UNC13C: variants seen among roughly 807,000 people sequenced by gnomAD.
The protein encoded by UNC13C is unc-13 homolog C.
UNC13C carries 174 observed loss-of-function variants against 245.4 expected under a neutral mutation model. The observed-to-expected ratio is 0.71, with a 90% CI of 0.63 to 0.80. The LOEUF (loss-of-function observed/expected upper bound fraction) is 0.80. Among genes scored for constraint, UNC13C ranks in the 30% least tolerant of loss-of-function variants. The pLI is 0.00. For synonymous variants in UNC13C, 992 were observed against 895.1 expected (o/e 1.11, Z -1.93); for missense variants, 2,829 against 2,602.9 (o/e 1.09, Z -1.89).
At chr15:54,234,430 T>C (rs533824898) in intron 4 of UNC13C, among the ~76,000 whole-genome samples, 185 of 152,306 alleles carry the variant, frequency 1.2e-3, no homozygotes, top group African/African-American at 4.3e-3. Flanking sequence ...CTAGCTTTTA[T>C]TGCTATTATT....
intron 30 of UNC13C, among the ~76,000 whole-genome samples, chr15:54,616,712 G>T (rs1375693594): frequency 6.6e-6 from 1 of 152,004 alleles, no homozygotes; most frequent in African/African-American, 2.4e-5. Context: ...AAAGTAAAAG[G>T]TTACAGAAAG....
Position 54,370,027 on chromosome 15 carries a change from A to G in UNC13C, c.4714-23021A>G, listed in dbSNP as rs74325784. ...TAGGAGCTCATTGGTTGTACTTAAC[A>G]GTGTTTGTTGAGTTTTTCTGTGCTA... is the stretch of plus-strand genomic sequence containing the variant. On this transcript the variant is annotated intron_variant, in intron 17 of 32. Transcript: ENST00000260323. Among the ~76,000 whole-genome samples, 631 of 152,230 alleles carry G rather than the reference A, an allele frequency of 4.1e-3. 26 individuals carry two copies. In the East Asian group the frequency reaches 0.087, roughly 21 times the overall value.
intron 10 of UNC13C, among the ~76,000 whole-genome samples, chr15:54,288,355 G>A (rs963603652): frequency 6.6e-6 from 1 of 152,112 alleles, no homozygotes; most frequent in Non-Finnish European, 1.5e-5. Context: ...GGTGAGTACT[G>A]TGAAAGGTGA....
intron 2 of UNC13C, among the ~76,000 whole-genome samples, chr15:54,033,751 T>C (rs1656569431): frequency 6.6e-6 from 1 of 152,138 alleles, no homozygotes; most frequent in South Asian, 2.1e-4. Flanking sequence ...GCACATGATA[T>C]GGTGAGAGAG....
the UNC13C span, among the ~76,000 whole-genome samples, chr15:53,896,935 T>C: frequency 6.6e-6 from 1 of 152,158 alleles, no homozygotes; most frequent in Admixed American, 6.5e-5. Flanking sequence ...TTTTCTCTAA[T>C]GAGAAAAATA....
intron 16 of UNC13C, among the ~76,000 whole-genome samples, chr15:54,336,376 C>T (rs536483335): frequency 7.2e-6 from 1 of 139,512 alleles, no homozygotes; most frequent in African/African-American, 2.5e-5. Flanking sequence ...GTTTTGAATA[C>T]AATTTTTTGT....
the UNC13C span, among the ~76,000 whole-genome samples, chr15:53,931,921 A>T: frequency 6.6e-6 from 1 of 152,154 alleles, no homozygotes; most frequent in Non-Finnish European, 1.5e-5. Flanking sequence ...TGATTGTTTA[A>T]CATCTGGCCT....
chr15:54,137,061 C>G (rs1371590416), intron 2 of UNC13C, among the ~76,000 whole-genome samples: 1 of 152,096 alleles, frequency 6.6e-6, no homozygotes, highest in African/African-American at 2.4e-5. Context: ...CCAGGCTAGT[C>G]TTGAACTCCT....
chr15:54,450,510 G>A (rs1891112891), intron 19 of UNC13C, among the ~76,000 whole-genome samples: 1 of 152,226 alleles, frequency 6.6e-6, no homozygotes, highest in Admixed American at 6.5e-5. Context: ...CCTTGCAGAT[G>A]GATCTCAGAC....
chr15:54,386,460 A>G (rs1026687255), intron 17 of UNC13C, among the ~76,000 whole-genome samples: 3 of 152,184 alleles, frequency 2.0e-5, no homozygotes, highest in Admixed American at 1.3e-4. Context: ...TAGCATGGGA[A>G]AGCTAGGAGT....
At chr15:54,504,864 G>A (rs180906891) in intron 22 of UNC13C, among the ~76,000 whole-genome samples, 5 of 152,174 alleles carry the variant, frequency 3.3e-5, no homozygotes, top group South Asian at 4.1e-4. Flanking sequence ...CTAACAGGGT[G>A]GCATTAGCTC....
At chr15:54,456,704 C>T (rs1891552414) in intron 19 of UNC13C, among the ~76,000 whole-genome samples, 1 of 151,714 alleles carries the variant, frequency 6.6e-6, no homozygotes, top group Non-Finnish European at 1.5e-5. Flanking sequence ...TATAGCAATG[C>T]TCCTAATTTG....
the UNC13C span, among the ~76,000 whole-genome samples, chr15:53,948,811 T>G: frequency 6.6e-6 from 1 of 151,752 alleles, no homozygotes; most frequent in Non-Finnish European, 1.5e-5. Context: ...GGCACACAGC[T>G]GACACAGAGT....
chr15:54,163,500 A>G (rs974518148), intron 4 of UNC13C, among the ~76,000 whole-genome samples: 3 of 152,236 alleles, frequency 2.0e-5, no homozygotes, highest in African/African-American at 7.2e-5. Flanking sequence ...ATGTGTCTAA[A>G]TCATTTTTAA....
intron 19 of UNC13C, among the ~76,000 whole-genome samples, chr15:54,492,033 G>GT (rs1421539221): frequency 1.3e-5 from 2 of 150,708 alleles, no homozygotes; most frequent in East Asian, 1.9e-4. Flanking sequence ...ACTTTGAAAT[G>GT]TTTTCTCTCT....
chr15:53,917,996 C>T, the UNC13C span, among the ~76,000 whole-genome samples: 11 of 152,152 alleles, frequency 7.2e-5, no homozygotes, highest in Non-Finnish European at 1.2e-4. Flanking sequence ...TTCTTTGGGC[C>T]GGGCACGGGG....
chr15:53,839,275 T>G, the UNC13C span, among the ~76,000 whole-genome samples: 1 of 152,106 alleles, frequency 6.6e-6, no homozygotes, highest in African/African-American at 2.4e-5. Context: ...TTTCCAGTGA[T>G]TCTTTACTTA....
chr15:53,887,744 C>T, the UNC13C span, among the ~76,000 whole-genome samples: 1 of 152,126 alleles, frequency 6.6e-6, no homozygotes, highest in Non-Finnish European at 1.5e-5. Flanking sequence ...TGATGTTCCC[C>T]TCCCTGTGTC....
intron 30 of UNC13C, chr15:54,611,653 G>A (rs575780706): frequency 6.6e-6 from 1 of 152,074 alleles, no homozygotes; most frequent in African/African-American, 2.4e-5. Context: ...TTGTAAGTAA[G>A]TAAGTTATAA....
Sources: gnomAD v4.1 joint callset for allele counts (sites outside exome capture counted in the v4.1 genomes callset) on GRCh38, gnomAD v4.1.1 for gene constraint, MANE v1.5 for transcripts, NCBI Gene and HGNC (gene_info 2026-07-23, HGNC 2026-07-21) for gene names.